Variants in SPIRE2 observed in about 807,000 individuals in gnomAD.
The protein encoded by SPIRE2 is protein spire homolog 2.
SPIRE2 carries 76 observed loss-of-function variants against 80.7 expected under a neutral mutation model. The observed-to-expected ratio is 0.94, with a 90% CI of 0.78 to 1.14. SPIRE2 has a LOEUF of 1.14. Among genes scored for constraint, SPIRE2 ranks in the 50% most tolerant of loss-of-function variants. The pLI is 0.00. For missense variants in SPIRE2, 1,196 were observed against 1,015.3 expected, an observed-to-expected ratio of 1.18 and a Z score of -2.42; for synonymous variants, 535 against 432.6, an observed-to-expected ratio of 1.24 and a Z score of -2.94.
At chr16:89,832,761 G>C (rs948616085) in intron 1 of SPIRE2, among the ~76,000 whole-genome samples, 1 of 152,124 alleles carries the variant, frequency 6.6e-6, no homozygotes, top group African/African-American at 2.4e-5. Context: ...TTGCAGAGCC[G>C]GGCTGAGCAG....
intron 2 of SPIRE2, chr16:89,847,206 G>C (rs1391533985): frequency 6.6e-6 from 1 of 152,208 alleles, no homozygotes; most frequent in Non-Finnish European, 1.5e-5. Context: ...GGAGAACCTC[G>C]GGGCGGGGAT....
At position 89,853,738 on chromosome 16, in the gene SPIRE2, G is replaced by A. The variant is rs141745959; in HGVS notation, c.646-548G>A. Among the ~76,000 whole-genome samples the A allele has an allele frequency of 3.3e-3, 498 of 151,434 alleles. 2 individuals carry two copies. The highest frequency in any genetic ancestry group is 0.012 in the African/African-American group (480 of 41,244). ...GCGTGACGGAGGCAGCAGGTGCCGCGCCTTCTTCCCAAGTTCTCAGCACAG... is the reference window on the plus strand; with the variant it reads ...GCGTGACGGAGGCAGCAGGTGCCGCACCTTCTTCCCAAGTTCTCAGCACAG... On this transcript the variant is annotated intron_variant, in intron 3 of 14. Transcript: ENST00000378247.
chr16:89,858,338 G>T lies in SPIRE2; in HGVS notation c.1103G>T (p.Gly368Val). ...CCTGCCTCGGCTCCCGTCTCCCCAG[G>T]GTTTGGCTCTCTGCCCTGCATCCTC... ...PVRGEGWAAR[G>V]FGSLPCILNA... Residue 368 changes from glycine (G) to valine (V), a missense_variant and splice_region_variant, in exon 8 of 15, where the codon GGG becomes GTG. Gly to Val is a moderately radical substitution (Grantham distance 109). Transcript: ENST00000378247. The T allele has an allele frequency of 6.3e-7, 1 of 1,592,664 alleles. No individual in the cohort carries two copies. Among genetic ancestry groups the T allele is most frequent in the Non-Finnish European group, 8.5e-7 (1 of 1,169,918 alleles).
At chr16:89,835,018 G>A (rs1017400923) in intron 1 of SPIRE2, among the ~76,000 whole-genome samples, 12 of 145,786 alleles carry the variant, frequency 8.2e-5, no homozygotes, top group Non-Finnish European at 1.3e-4. Context: ...CCGCACTCGC[G>A]GTTGGCCGTC....
chr16:89,850,424 A>AGCGAGGACAGCGGCT lies in SPIRE2; in HGVS notation c.413_427dup (p.Glu138_Cys142dup), dbSNP rs1391262979. 6.3e-7 allele frequency: 1 copy of AGCGAGGACAGCGGCT among 1,584,502 alleles called. No individual in the cohort carries two copies. The highest frequency in any genetic ancestry group is 8.6e-7 in the Non-Finnish European group (1 of 1,167,114). ...CATCGACCTCATGGCCAACAACGAC[A>AGCGAGGACAGCGGCT]GCGAGGACAGCGGCTGCGGTGCCGC... On this transcript the variant is annotated inframe_insertion, in exon 3 of 15. Transcript: ENST00000378247.
chr16:89,841,791 A>G (rs1376129834), intron 1 of SPIRE2, among the ~76,000 whole-genome samples: 2 of 151,372 alleles, frequency 1.3e-5, no homozygotes, highest in Non-Finnish European at 3.0e-5. Context: ...TCCACCTCCC[A>G]GGTTCAAGCC....
chr16:89,868,094 T>C (rs757405272), intron 12 of SPIRE2, 95 bp from the exon 13 acceptor site: 103 of 1,372,492 alleles, frequency 7.5e-5, no homozygotes, highest in Non-Finnish European at 9.8e-5. Context: ...AAGGATGGTT[T>C]GACCTCGGAT....
At chr16:89,834,578 C>T (rs1313214938) in intron 1 of SPIRE2, among the ~76,000 whole-genome samples, 1 of 81,452 alleles carries the variant, frequency 1.2e-5, no homozygotes, top group African/African-American at 4.9e-5. Context: ...TAGAAGGCCC[C>T]ATAAGCATAG....
At chr16:89,852,108 G>C (rs1158277054) in intron 3 of SPIRE2, among the ~76,000 whole-genome samples, 2 of 57,570 alleles carry the variant, frequency 3.5e-5, no homozygotes, top group African/African-American at 7.8e-5. Context: ...CCACCCACCA[G>C]ATCCCATGGC....
intron 1 of SPIRE2, among the ~76,000 whole-genome samples, chr16:89,841,854 G>T (rs749860918): frequency 5.3e-5 from 8 of 151,168 alleles, no homozygotes; most frequent in Non-Finnish European, 1.0e-4. Flanking sequence ...TGTTCCTCCC[G>T]AGTAGCTGGG....
chr16:89,855,007 T>C (rs527535796), intron 5 of SPIRE2, among the ~76,000 whole-genome samples: 6 of 152,220 alleles, frequency 3.9e-5, no homozygotes, highest in African/African-American at 9.6e-5. Context: ...GGTGCGACCT[T>C]GGCTCACTGC....
chr16:89,835,175 AAGCATAGCCCG>A (rs2041435298), intron 1 of SPIRE2, among the ~76,000 whole-genome samples: 2 of 151,798 alleles, frequency 1.3e-5, no homozygotes, highest in Admixed American at 6.6e-5. Flanking sequence ...AAGCGTGGAT[AAGCATAGCCCG>A]TGTGAATCTG....
intron 5 of SPIRE2, 27 bp downstream of exon 5, chr16:89,854,678 G>C: frequency 6.2e-7 from 1 of 1,601,546 alleles, no homozygotes; most frequent in Non-Finnish European, 8.5e-7. Flanking sequence ...CAGAGGGGCA[G>C]CCTGGATGCA....
Position 89,859,269 on chromosome 16 carries a change from G to A in SPIRE2, c.1377G>A (p.Ser459=), listed in dbSNP as rs766830120. 15 of 1,606,680 alleles carry A rather than the reference G, an allele frequency of 9.3e-6. No homozygotes were observed. Among genetic ancestry groups the A allele is most frequent in the Non-Finnish European group, 1.2e-5 (14 of 1,178,604 alleles). ...LRSEVASGLQ[S]ATHPPGGTEP... is the part of the protein sequence containing the mutation. ...GTGAGGTGGCCTCTGGCCTGCAGTCGGCCACCCACCCCCCAGGAGGGACGG... is the reference window on the plus strand; with the variant it reads ...GTGAGGTGGCCTCTGGCCTGCAGTCAGCCACCCACCCCCCAGGAGGGACGG... Residue 459 remains serine (S), a synonymous_variant, in exon 9 of 15, where the codon TCG becomes TCA. Transcript: ENST00000378247.
Position 89,854,482 on chromosome 16 carries a change from C to T in SPIRE2, c.727-5C>T. The stretch of plus-strand genomic sequence containing the variant: ...TGAGACCCATTCTCTTCCCCTGGGG[C>T]CCAGGCCCGACTGTGGGTTCAGCTC... On this transcript the variant is annotated splice_polypyrimidine_tract_variant and splice_region_variant and intron_variant, in intron 4 of 14. Coordinates refer to ENST00000378247, the MANE Select transcript of SPIRE2 (RefSeq NM_032451.2). 6.2e-7 allele frequency: 1 copy of T among 1,611,906 alleles called. No homozygotes were observed. Among genetic ancestry groups the T allele is most frequent in the South Asian group, 1.1e-5 (1 of 91,036 alleles).
In SPIRE2 at chr16:89,863,780, G is replaced by A. The variant is rs1008589621; in HGVS notation, c.1711-14G>A. ...TTTGGACAAAGCGGGGCTCTAACCA[G>A]TCTCTCCTGACAGATTTGCTGCTGC... On this transcript the variant is annotated splice_polypyrimidine_tract_variant and intron_variant, in intron 11 of 14. Coordinates refer to ENST00000378247, the MANE Select transcript of SPIRE2 (RefSeq NM_032451.2). This position sits in a 1 kb window ranked among gnomAD's most constrained non-coding sequence, Gnocchi z 4.3. The A allele has an allele frequency of 1.2e-6, 2 of 1,613,998 alleles. No homozygotes were observed. Among genetic ancestry groups the A allele is most frequent in the Non-Finnish European group, 1.7e-6 (2 of 1,179,904 alleles).
chr16:89,849,475 C>T (rs1051512399), intron 2 of SPIRE2, among the ~76,000 whole-genome samples: 4 of 152,348 alleles, frequency 2.6e-5, no homozygotes, highest in South Asian at 4.2e-4. Context: ...GTGTGTGGGT[C>T]TTTCTTTCCT....
At chr16:89,839,191 C>T (rs1430517570) in intron 1 of SPIRE2, among the ~76,000 whole-genome samples, 1 of 151,874 alleles carries the variant, frequency 6.6e-6, no homozygotes, top group Non-Finnish European at 1.5e-5. Flanking sequence ...ACAAAAATTA[C>T]TAAATACAAA....
chr16:89,863,829 C>T lies in SPIRE2; in HGVS notation c.1746C>T (p.Phe582=). 1.2e-6 allele frequency: 2 copies of T among 1,614,058 alleles called. No homozygotes were observed. The highest frequency in any genetic ancestry group is 8.5e-7 in the Non-Finnish European group (1 of 1,179,966). The change falls in exon 12 of 15, where the codon TTC becomes TTT. Residue 582 remains phenylalanine, a synonymous_variant. Transcript: ENST00000378247. The surrounding 1 kb of genome is among the most constrained non-coding windows in gnomAD (Gnocchi z 4.3). ...GCTGCCGGGCCAAGTTCCCGCTGTT[C>T]TCGTGGCCGCCCAGCTGTCTCTTCT... ...CCCCRAKFPL[F]SWPPSCLFCK...
Sources: allele counts gnomAD v4.1 joint callset (sites outside exome capture counted in the v4.1 genomes callset), GRCh38; gene constraint gnomAD v4.1.1; non-coding constraint Gnocchi (gnomAD v3.1); transcripts MANE v1.5; gene names NCBI Gene and HGNC (gene_info 2026-07-23, HGNC 2026-07-21).